Variants in NRXN3 observed in about 807,000 individuals in gnomAD.
NRXN3 encodes the protein neurexin III.
In NRXN3, 32 loss-of-function variants were observed where a neutral mutation model predicts 137.6. The ratio of observed to expected loss-of-function variants is 0.23; its 90% CI spans 0.18 to 0.31. The LOEUF (loss-of-function observed/expected upper bound fraction) is 0.31. NRXN3 is among the 10% of genes least tolerant of loss of function. The pLI is 1.00. For synonymous variants in NRXN3, 798 were observed against 784.5 expected, an observed-to-expected ratio of 1.02 and a Z score of -0.29; for missense variants, 1,574 against 2,062.5, an observed-to-expected ratio of 0.76 and a Z score of 4.59.
chr14:79,774,259 A>T (rs974180422), intron 19 of NRXN3, among the ~76,000 whole-genome samples: 1 of 152,150 alleles, frequency 6.6e-6, no homozygotes, highest in African/African-American at 2.4e-5. Flanking sequence ...GTGGATGTTC[A>T]TGATCTGAAG....
intron 2 of NRXN3, among the ~76,000 whole-genome samples, chr14:78,248,303 C>CCCCCA: frequency 6.9e-5 from 1 of 14,452 alleles, no homozygotes; most frequent in Non-Finnish European, 3.8e-4. Flanking sequence ...CCGCCCCCCG[C>CCCCCA]CCCCCCCCCC....
rs143509409 is a variant in NRXN3, at chr14:78,891,108, T to C, written c.2276-66134T>C. 2.6e-4 allele frequency among the ~76,000 whole-genome samples: 40 copies of C among 152,036 alleles called. No homozygotes were observed. In the East Asian group the frequency reaches 7.8e-3, roughly 30 times the overall value. On this transcript the variant is annotated intron_variant, in intron 10 of 20. Coordinates refer to ENST00000335750, the MANE Select transcript of NRXN3 (RefSeq NM_001330195.2). ...GATGGTAACTGGGTGGAATAAGACT[T>C]CTAAGCCCACATAAGACAGGATGGT...
intron 19 of NRXN3, among the ~76,000 whole-genome samples, chr14:79,720,423 C>T (rs1354245219): frequency 6.6e-6 from 1 of 152,102 alleles, no homozygotes; most frequent in African/African-American, 2.4e-5. Context: ...TCCTGTTTCA[C>T]TCTGCCAGGC....
At chr14:79,199,757 G>A (rs2065683506) in intron 15 of NRXN3, among the ~76,000 whole-genome samples, 1 of 152,166 alleles carries the variant, frequency 6.6e-6, no homozygotes, top group Non-Finnish European at 1.5e-5. Flanking sequence ...AACCATGGTT[G>A]GGGCCCAGCT....
At chr14:79,569,248 C>T (rs144547879) in intron 16 of NRXN3, among the ~76,000 whole-genome samples, 1,747 of 152,068 alleles carry the variant, frequency 0.011, 20 homozygotes, top group Middle Eastern at 0.048. Context: ...ACTGAAAATA[C>T]ATTCTTGCCT....
intron 15 of NRXN3, among the ~76,000 whole-genome samples, chr14:79,158,689 G>GA (rs1193056385): frequency 6.6e-6 from 1 of 151,674 alleles, no homozygotes; most frequent in Non-Finnish European, 1.5e-5. Context: ...GATAAAAATA[G>GA]AAAAAATTTA....
chr14:79,715,338 C>T (rs115142371), intron 19 of NRXN3, among the ~76,000 whole-genome samples: 113 of 152,290 alleles, frequency 7.4e-4, no homozygotes, highest in African/African-American at 2.6e-3. Context: ...AGCCAGCTCT[C>T]CTAGACTGCC....
At chr14:79,667,051 A>G (rs575923244) in intron 17 of NRXN3, among the ~76,000 whole-genome samples, 13 of 152,110 alleles carry the variant, frequency 8.5e-5, no homozygotes, top group African/African-American at 2.7e-4. Context: ...TCCCTGTGCT[A>G]TTAAAAGGAT....
chr14:78,370,124 G>T (rs972767849), intron 4 of NRXN3, among the ~76,000 whole-genome samples: 2 of 152,040 alleles, frequency 1.3e-5, no homozygotes, highest in African/African-American at 4.8e-5. Context: ...TGCCAAGGCT[G>T]AGATCATGCC....
intron 15 of NRXN3, among the ~76,000 whole-genome samples, chr14:79,034,256 A>G (rs1182502017): frequency 6.6e-6 from 1 of 151,924 alleles, no homozygotes; most frequent in Non-Finnish European, 1.5e-5. Flanking sequence ...AAAAATAGAA[A>G]CTTTTTAATA....
intron 4 of NRXN3, among the ~76,000 whole-genome samples, chr14:78,351,432 A>G (rs2083476255): frequency 6.6e-6 from 1 of 152,198 alleles, no homozygotes; most frequent in Admixed American, 6.5e-5. Context: ...GATTGTACCA[A>G]CTAAAATTCC....
intron 16 of NRXN3, among the ~76,000 whole-genome samples, chr14:79,536,120 A>G (rs540708874): frequency 4.6e-5 from 7 of 152,242 alleles, no homozygotes; most frequent in African/African-American, 1.4e-4. Context: ...TGGTTGCCTG[A>G]AGAGTTGAAC....
intron 8 of NRXN3, among the ~76,000 whole-genome samples, chr14:78,777,000 G>A (rs1191246986): frequency 6.6e-6 from 1 of 152,174 alleles, no homozygotes; most frequent in South Asian, 2.1e-4. Flanking sequence ...CTGGTCTATT[G>A]TAAGGCTTTC....
chr14:79,529,864 C>T (rs2097154289), intron 16 of NRXN3, among the ~76,000 whole-genome samples: 1 of 152,162 alleles, frequency 6.6e-6, no homozygotes, highest in Non-Finnish European at 1.5e-5. Context: ...CTTGCAGAAT[C>T]ATGCCAAGCA....
At chr14:78,442,409 T>C (rs981705638) in intron 4 of NRXN3, among the ~76,000 whole-genome samples, 2 of 152,156 alleles carry the variant, frequency 1.3e-5, no homozygotes, top group Admixed American at 1.3e-4. Flanking sequence ...CACCAGAAGC[T>C]GGAAGAAGCC....
At chr14:79,204,305 G>C (rs1216572073) in intron 15 of NRXN3, among the ~76,000 whole-genome samples, 1 of 151,376 alleles carries the variant, frequency 6.6e-6, no homozygotes, top group Non-Finnish European at 1.5e-5. Context: ...AAATGTGCTT[G>C]GTTTTGTCTT....
At chr14:79,459,414 C>G (rs1221126406) in intron 15 of NRXN3, among the ~76,000 whole-genome samples, 1 of 151,884 alleles carries the variant, frequency 6.6e-6, no homozygotes, top group Non-Finnish European at 1.5e-5. Flanking sequence ...GACTGATGCT[C>G]TTATAAGAAA....
intron 2 of NRXN3, among the ~76,000 whole-genome samples, chr14:78,246,848 C>T (rs889753628): frequency 3.9e-5 from 6 of 152,196 alleles, no homozygotes; most frequent in Non-Finnish European, 7.3e-5. Flanking sequence ...GAGAGAAATG[C>T]ATCCATTCTC....
In NRXN3 at chr14:78,804,892, G is replaced by T. The variant is rs545822064; in HGVS notation, c.2248+1069G>T. 2.6e-5 allele frequency among the ~76,000 whole-genome samples: 4 copies of T among 152,298 alleles called. No homozygotes were observed. The East Asian group carries it at 5.8e-4, about 22-fold the overall frequency. The stretch of plus-strand genomic sequence containing the variant: ...TTTCTAAGCTAGTGAATGTATTTGG[G>T]TACGTAGAATATGTTTGGATACAGT... On this transcript the variant is annotated intron_variant, in intron 9 of 20. Coordinates refer to ENST00000335750, the MANE Select transcript of NRXN3 (RefSeq NM_001330195.2).
Sources: allele counts gnomAD v4.1 joint callset (sites outside exome capture counted in the v4.1 genomes callset), GRCh38; gene constraint gnomAD v4.1.1; transcripts MANE v1.5; gene names NCBI Gene and HGNC (gene_info 2026-07-23, HGNC 2026-07-21).